Variants in PTPRA observed in about 807,000 individuals in gnomAD.
The protein encoded by PTPRA is protein tyrosine phosphatase receptor type A, also known as receptor-type tyrosine-protein phosphatase alpha.
A neutral mutation model predicts 104.8 loss-of-function variants in PTPRA; 25 were observed. The observed-to-expected ratio is 0.24, with a 90% CI of 0.17 to 0.33. The LOEUF (loss-of-function observed/expected upper bound fraction) is 0.33. PTPRA is among the 10% of genes least tolerant of loss of function. The pLI is 1.00. For missense variants in PTPRA, 765 were observed against 1,015.3 expected (o/e 0.75, Z 3.35); for synonymous variants, 323 against 368.9 (o/e 0.88, Z 1.43).
intron 9 of PTPRA, among the ~76,000 whole-genome samples, chr20:2,993,084 T>C (rs1025217363): frequency 3.3e-4 from 50 of 150,702 alleles, no homozygotes; most frequent in African/African-American, 1.1e-3. Context: ...ATCTTGTCTC[T>C]ATGTAGGTAG....
intron 5 of PTPRA, 85 bp from the exon 6 acceptor site, chr20:2,975,130 G>T: frequency 8.3e-7 from 1 of 1,209,236 alleles, no homozygotes; most frequent in Non-Finnish European, 1.2e-6. Context: ...TCCTAATCCT[G>T]GAGCTTGTTT....
chr20:2,991,772 G>C (rs2063188669), intron 9 of PTPRA, among the ~76,000 whole-genome samples: 1 of 152,212 alleles, frequency 6.6e-6, no homozygotes, highest in Non-Finnish European at 1.5e-5. Flanking sequence ...GTGAGGGAAA[G>C]GGCTGACCAT....
In PTPRA at chr20:3,022,107, T is replaced by C. The variant is rs1222635040; in HGVS notation, c.1215T>C (p.Phe405=). ...AGCGCCTCATCACTCAGTTCCACTT[T>C]ACCAGCTGGCCAGACTTTGGGGTGC... is the stretch of plus-strand genomic sequence containing the variant. ...KPQRLITQFH[F]TSWPDFGVPF... Residue 405 remains phenylalanine, a synonymous_variant, in exon 15 of 24, where the codon TTT becomes TTC. Transcript: ENST00000399903. The surrounding 1 kb of genome is among the most constrained non-coding windows in gnomAD (Gnocchi z 4.6). The C allele has an allele frequency of 6.2e-7, 1 of 1,614,218 alleles. No individual in the cohort carries two copies. Among genetic ancestry groups the C allele is most frequent in the Admixed American group, 1.7e-5 (1 of 60,028 alleles).
chr20:2,900,202 GGC>G (rs2059179041), intron 1 of PTPRA, among the ~76,000 whole-genome samples: 1 of 151,872 alleles, frequency 6.6e-6, no homozygotes, highest in Non-Finnish European at 1.5e-5. Context: ...CTGTCACCCA[GGC>G]GGTAGCGCAG....
intron 3 of PTPRA, among the ~76,000 whole-genome samples, chr20:2,954,045 G>A (rs141970832): frequency 2.7e-5 from 4 of 148,648 alleles, no homozygotes; most frequent in Non-Finnish European, 4.4e-5. Flanking sequence ...ATGTAGCTAC[G>A]TCTACAGGCA....
chr20:2,961,787 G>A (rs1192264824), intron 3 of PTPRA, among the ~76,000 whole-genome samples: 32 of 152,114 alleles, frequency 2.1e-4, no homozygotes, highest in Admixed American at 2.1e-3. Context: ...TTAAATTTTT[G>A]TGAAAGATAA....
At chr20:3,013,003 T>G (rs2326053) in intron 11 of PTPRA, among the ~76,000 whole-genome samples, 97,285 of 152,062 alleles carry the variant, frequency 0.64, 33,192 homozygotes, top group East Asian at 0.89. Flanking sequence ...TATATTCACA[T>G]ATAACTGCAG....
Position 3,035,259 on chromosome 20 carries a change from C to T in PTPRA, c.1921-326C>T, listed in dbSNP as rs1488112037. Among the ~76,000 whole-genome samples, 1 of 152,098 alleles carries T rather than the reference C, an allele frequency of 6.6e-6. No individual in the cohort carries two copies. Among genetic ancestry groups the T allele is most frequent in the Non-Finnish European group, 1.5e-5 (1 of 68,020 alleles). Reference sequence around the variant, plus strand: ...ATGTAAGCAGCATTAAATATGAAAACACCCCATGGGAGAAAAAGAAAGGAA... The same window carrying T: ...ATGTAAGCAGCATTAAATATGAAAATACCCCATGGGAGAAAAAGAAAGGAA... On this transcript the variant is annotated intron_variant, in intron 20 of 23. Coordinates refer to ENST00000399903, the MANE Select transcript of PTPRA (RefSeq NM_001385305.1). The surrounding 1 kb of genome is among the most constrained non-coding windows in gnomAD (Gnocchi z 5.8).
chr20:2,869,478 T>A (rs1333274403), upstream of PTPRA, among the ~76,000 whole-genome samples: 2 of 152,228 alleles, frequency 1.3e-5, no homozygotes, highest in Non-Finnish European at 2.9e-5. Context: ...CCTTGCTTAC[T>A]CAATTGAAAT....
At chr20:2,960,729 G>A (rs1462492528) in intron 3 of PTPRA, among the ~76,000 whole-genome samples, 2 of 151,910 alleles carry the variant, frequency 1.3e-5, no homozygotes, top group African/African-American at 4.8e-5. Context: ...TAGAAATGTG[G>A]TCTTGCTGTG....
chr20:2,977,567 C>A (rs1215418017), intron 6 of PTPRA, among the ~76,000 whole-genome samples: 1 of 151,378 alleles, frequency 6.6e-6, no homozygotes, highest in African/African-American at 2.4e-5. Context: ...ATCACCTGAG[C>A]CCAGGAAATG....
chr20:3,034,808 A>G (rs2065717763), intron 20 of PTPRA, among the ~76,000 whole-genome samples: 1 of 152,296 alleles, frequency 6.6e-6, no homozygotes, highest in East Asian at 1.9e-4. Flanking sequence ...GTAGTGAAGA[A>G]TCTCAGATCT....
At chr20:2,942,431 A>G (rs1286621199) in intron 2 of PTPRA, among the ~76,000 whole-genome samples, 2 of 152,004 alleles carry the variant, frequency 1.3e-5, no homozygotes, top group East Asian at 1.9e-4. Context: ...CAACTTTTCT[A>G]TATCCTTAAG....
chr20:2,967,018 G>A (rs2061972320), intron 5 of PTPRA, among the ~76,000 whole-genome samples: 1 of 152,182 alleles, frequency 6.6e-6, no homozygotes, highest in South Asian at 2.1e-4. Flanking sequence ...ATGTTCTATT[G>A]TGTACTGTCT....
chr20:3,035,795 T>G lies in PTPRA; in HGVS notation c.2052T>G (p.Asn684Lys). The G allele has an allele frequency of 6.2e-7, 1 of 1,614,128 alleles. No homozygotes were observed. Among genetic ancestry groups the G allele is most frequent in the East Asian group, 2.2e-5 (1 of 44,878 alleles). The change falls in exon 22 of 24, where the codon AAT becomes AAG. Residue 684 changes from asparagine (N) to lysine (K), a missense_variant. Physicochemically the swap from Asn to Lys is moderately conservative, Grantham distance 94. Around this residue, in one of 4 missense-constraint regions of PTPRA, gnomAD observed 192 missense variants for 227.0 expected, o/e 0.85. Coordinates refer to ENST00000399903, the MANE Select transcript of PTPRA (RefSeq NM_001385305.1). This position sits in a 1 kb window ranked among gnomAD's most constrained non-coding sequence, Gnocchi z 5.8. ...TGATCCCCTTTTTTCCAAAGGAGAATAAGAGCCGGCAGATCCGGCAGTTCC... is the reference window on the plus strand; with the variant it reads ...TGATCCCCTTTTTTCCAAAGGAGAAGAAGAGCCGGCAGATCCGGCAGTTCC... Reference protein sequence around the residue: ...RDLLVTNTRENKSRQIRQFHF... With the variant: ...RDLLVTNTREKKSRQIRQFHF...
At chr20:2,915,828 C>CA (rs964266551) in intron 1 of PTPRA, among the ~76,000 whole-genome samples, 98 of 152,192 alleles carry the variant, frequency 6.4e-4, no homozygotes, top group African/African-American at 2.2e-3. Context: ...TACTCAAATA[C>CA]AAAAAATTAG....
chr20:2,957,529 A>G (rs2061582400), intron 3 of PTPRA, among the ~76,000 whole-genome samples: 1 of 152,230 alleles, frequency 6.6e-6, no homozygotes, highest in Non-Finnish European at 1.5e-5. Context: ...AGAGACAATG[A>G]TAGCTGAAGG....
At chr20:2,940,517 T>C (rs948658743) in intron 2 of PTPRA, among the ~76,000 whole-genome samples, 1 of 152,134 alleles carries the variant, frequency 6.6e-6, no homozygotes, top group African/African-American at 2.4e-5. Context: ...CTGTTTCCCA[T>C]ATCCAGCTCA....
chr20:2,955,401 T>C (rs764837076), intron 3 of PTPRA, among the ~76,000 whole-genome samples: 1 of 152,224 alleles, frequency 6.6e-6, no homozygotes, highest in Non-Finnish European at 1.5e-5. Context: ...AGGTGGAACT[T>C]AGAAGCAGTA....
Sources: allele counts gnomAD v4.1 joint callset (sites outside exome capture counted in the v4.1 genomes callset), GRCh38; gene constraint gnomAD v4.1.1; regional missense constraint gnomAD v4.1.1; non-coding constraint Gnocchi (gnomAD v3.1); transcripts MANE v1.5; gene names NCBI Gene and HGNC (gene_info 2026-07-23, HGNC 2026-07-21).